The following TMEM164 variants were observed in gnomAD, a reference collection of about 807,000 sequenced individuals.
The protein encoded by TMEM164 is RP13-360B22.2.
In TMEM164, 4 loss-of-function variants were observed where a neutral mutation model predicts 18.8. That is an observed-to-expected ratio of 0.21 (90% confidence interval 0.10 to 0.49). The LOEUF (loss-of-function observed/expected upper bound fraction) is 0.49, where lower values mean the gene tolerates loss of function less well. Among genes scored for constraint, TMEM164 ranks in the 20% least tolerant of loss-of-function variants. The probability of loss-of-function intolerance (pLI) is 0.98; values close to 1 mark genes in which losing one functional copy is unlikely to be tolerated. For synonymous variants in TMEM164, 86 were observed against 101.7 expected (o/e 0.85, Z 0.93); for missense variants, 108 against 239.9 (o/e 0.45, Z 3.63).
At chrX:110,156,472 A>G (rs1439201041) in intron 5 of TMEM164, among the ~76,000 whole-genome samples, 1 of 111,180 alleles carries the variant, frequency 9.0e-6, no homozygotes, top group Non-Finnish European at 1.9e-5. Context: ...GGGAATAAGG[A>G]TGCGGGTAAA....
At chrX:110,155,932 T>C (rs1381502102) in intron 5 of TMEM164, among the ~76,000 whole-genome samples, 4 of 111,364 alleles carry the variant, frequency 3.6e-5, no homozygotes, top group Admixed American at 2.9e-4. Context: ...AGAGATGGGG[T>C]CTTACTATGT....
At chrX:110,152,716 C>T (rs2066961392) in intron 5 of TMEM164, among the ~76,000 whole-genome samples, 1 of 111,024 alleles carries the variant, frequency 9.0e-6, no homozygotes. Flanking sequence ...CTCTCAGACT[C>T]ATCCTCTCCT....
intron 2 of TMEM164, chrX:110,055,359 A>G: frequency 2.6e-6 from 1 of 378,951 alleles, no homozygotes; most frequent in Non-Finnish European, 5.3e-6. Flanking sequence ...CAACCCTAGG[A>G]GAGGGTGCCA....
chrX:110,065,904 A>G (rs2147848411), intron 2 of TMEM164, among the ~76,000 whole-genome samples: 1 of 112,644 alleles, frequency 8.9e-6, no homozygotes, highest in Non-Finnish European at 1.9e-5. Flanking sequence ...TTAGCTTTGA[A>G]GAAAACAAAC....
At chrX:110,161,916 T>C (rs1238302334) in intron 5 of TMEM164, among the ~76,000 whole-genome samples, 1 of 112,670 alleles carries the variant, frequency 8.9e-6, no homozygotes, top group African/African-American at 3.2e-5. Flanking sequence ...GTCCCTGGAA[T>C]AGTAGTATCT....
chrX:110,013,624 G>A (rs754065515), intron 2 of TMEM164, among the ~76,000 whole-genome samples: 1 of 111,618 alleles, frequency 9.0e-6, no homozygotes, highest in African/African-American at 3.3e-5. Flanking sequence ...TAGGGCAGTA[G>A]GAATGCTTCA....
intron 2 of TMEM164, among the ~76,000 whole-genome samples, chrX:110,063,273 T>G (rs1481134658): frequency 8.9e-6 from 1 of 112,186 alleles, no homozygotes; most frequent in Non-Finnish European, 1.9e-5. Context: ...TCACTGGCCC[T>G]CCTTCCCAAT....
chrX:110,045,607 GC>G (rs1935285727), intron 2 of TMEM164, among the ~76,000 whole-genome samples: 1 of 112,012 alleles, frequency 8.9e-6, no homozygotes, highest in African/African-American at 3.2e-5. Flanking sequence ...CACCAAGACA[GC>G]CCATCTGTCA....
At chrX:110,146,734 C>A (rs991542107) in intron 5 of TMEM164, among the ~76,000 whole-genome samples, 1 of 111,770 alleles carries the variant, frequency 8.9e-6, no homozygotes, top group Admixed American at 9.5e-5. Context: ...CTTTCCAGCT[C>A]TTTACTGCCA....
At chrX:110,078,456 A>G (rs746279249) in intron 3 of TMEM164, among the ~76,000 whole-genome samples, 38 of 112,341 alleles carry the variant, frequency 3.4e-4, no homozygotes, top group African/African-American at 1.2e-3. Flanking sequence ...ATGTCCTTTC[A>G]GACATTTCAA....
At chrX:110,150,030 GT>G (rs1325933384) in intron 5 of TMEM164, among the ~76,000 whole-genome samples, 12 of 111,917 alleles carry the variant, frequency 1.1e-4, no homozygotes, top group African/African-American at 3.9e-4. Flanking sequence ...TTATAAGCTA[GT>G]GGGGGTGGAG....
chrX:110,160,939 C>G (rs2148112499), intron 5 of TMEM164, among the ~76,000 whole-genome samples: 1 of 112,098 alleles, frequency 8.9e-6, no homozygotes, highest in Admixed American at 9.4e-5. Context: ...TGGGGTTTCA[C>G]TGTGTTGCCA....
chrX:110,081,844 C>G (rs755609449), intron 3 of TMEM164, among the ~76,000 whole-genome samples: 10 of 112,041 alleles, frequency 8.9e-5, no homozygotes, highest in African/African-American at 3.2e-4. Flanking sequence ...CAGGGGCCAG[C>G]ATGTTCTTCC....
At chrX:110,016,444 A>G (rs1028255828) in intron 2 of TMEM164, among the ~76,000 whole-genome samples, 8 of 111,836 alleles carry the variant, frequency 7.2e-5, no homozygotes, top group African/African-American at 2.3e-4. Context: ...AATGTGTAAC[A>G]GGGCCGGATG....
chrX:110,171,764 C>G (rs1177791196), intron 6 of TMEM164, among the ~76,000 whole-genome samples: 3 of 112,243 alleles, frequency 2.7e-5, no homozygotes, highest in Admixed American at 9.4e-5. Context: ...ATGCCTTTCA[C>G]TCATGGCCAC....
intron 4 of TMEM164, among the ~76,000 whole-genome samples, chrX:110,122,633 G>A (rs1438411266): frequency 1.8e-5 from 2 of 111,320 alleles, no homozygotes; most frequent in African/African-American, 6.5e-5. Context: ...TCATATTCAG[G>A]AACATTTCAG....
rs4035483 is a variant in TMEM164 at position 110,126,810 on chromosome X, C to CTGTGTGTGTG, written c.507+17709_507+17718dup. Among the ~76,000 whole-genome samples, 407 of 69,572 alleles carry CTGTGTGTGTG rather than the reference C, an allele frequency of 5.9e-3. 10 individuals are homozygous for CTGTGTGTGTG. The highest frequency in any genetic ancestry group is 0.019 in the African/African-American group (331 of 17,290). The allele number at this position is 69,572 out of a possible 115,157, so 60.4% of individuals were successfully genotyped here. On this transcript the variant is annotated intron_variant, in intron 4 of 6. Coordinates refer to ENST00000372068, the MANE Select transcript of TMEM164 (RefSeq NM_032227.4). ...GGTTTATTTCCTGGCTGGGCCACTCCTGTGTGTGTGTGTGTGTGTGTGTGT... is the reference window on the plus strand; with the variant it reads ...GGTTTATTTCCTGGCTGGGCCACTCCTGTGTGTGTGTGTGTGTGTGTGTGTGTGTGTGTGT...
chrX:110,167,393 G>T lies in TMEM164; in HGVS notation c.587-4027G>T, dbSNP rs751121632. Among the ~76,000 whole-genome samples, 68 of 112,015 alleles carry T rather than the reference G, an allele frequency of 6.1e-4. 1 individual carries two copies. Among genetic ancestry groups the T allele is most frequent in the African/African-American group, 2.1e-3 (66 of 30,812 alleles). ...TTTAAACTACTAAGCTGTATTTTCT[G>T]CCATTTGTGTACTGCCTGGTGTTTT... is the stretch of plus-strand genomic sequence containing the variant. On this transcript the variant is annotated intron_variant, in intron 5 of 6. Coordinates refer to ENST00000372068, the MANE Select transcript of TMEM164 (RefSeq NM_032227.4).
intron 5 of TMEM164, among the ~76,000 whole-genome samples, chrX:110,159,194 G>C (rs2067058113): frequency 9.0e-6 from 1 of 110,836 alleles, no homozygotes; most frequent in African/African-American, 3.3e-5. Flanking sequence ...TGGGGAGAGG[G>C]GGATGAAGAG....
Sources: gnomAD v4.1 joint callset for allele counts (sites outside exome capture counted in the v4.1 genomes callset) on GRCh38, gnomAD v4.1.1 for gene constraint, MANE v1.5 for transcripts, NCBI Gene and HGNC (gene_info 2026-07-23, HGNC 2026-07-21) for gene names.